CIMIP7: variants seen among roughly 807,000 people sequenced by gnomAD.
CIMIP7 encodes the protein ciliary microtubule inner protein 7.
At chr3:49,189,580 C>G in the CIMIP7 span, among the ~76,000 whole-genome samples, 1 of 152,214 alleles carries the variant, frequency 6.6e-6, no homozygotes, top group Non-Finnish European at 1.5e-5. Flanking sequence ...ATGTGTAGGC[C>G]AGTAACCAGC....
the CIMIP7 span, chr3:49,190,241 C>A: frequency 4.1e-6 from 3 of 728,988 alleles, no homozygotes; most frequent in Non-Finnish European, 4.5e-6. Flanking sequence ...AGACCAGAAG[C>A]CCCTCATGGA....
chr3:49,183,771 A>G, the CIMIP7 span, among the ~76,000 whole-genome samples: 8 of 152,278 alleles, frequency 5.3e-5, no homozygotes, highest in Non-Finnish European at 8.8e-5. Flanking sequence ...AAAAGTTTAT[A>G]TACAAATATT....
At chr3:49,186,400 G>A in the CIMIP7 span, among the ~76,000 whole-genome samples, 2 of 147,082 alleles carry the variant, frequency 1.4e-5, no homozygotes, top group African/African-American at 2.5e-5. Flanking sequence ...ACCACACCTG[G>A]CTAATTTTTT....
At chr3:49,187,372 A>G in the CIMIP7 span, among the ~76,000 whole-genome samples, 3 of 152,162 alleles carry the variant, frequency 2.0e-5, no homozygotes, top group Non-Finnish European at 4.4e-5. Context: ...TGGAAGGGGC[A>G]GTATTTGCAT....
chr3:49,190,657 G>C, the CIMIP7 span, among the ~76,000 whole-genome samples: 1 of 147,994 alleles, frequency 6.8e-6, no homozygotes, highest in Non-Finnish European at 1.5e-5. Flanking sequence ...TATCATGCCA[G>C]GCTGAATTTT....
At chr3:49,188,964 A>ATTT in the CIMIP7 span, among the ~76,000 whole-genome samples, 1 of 124,038 alleles carries the variant, frequency 8.1e-6, no homozygotes, top group Non-Finnish European at 1.8e-5. Flanking sequence ...ATGCCCGGTT[A>ATTT]TTTTTTTTTT....
chr3:49,180,451 T>C, the CIMIP7 span, among the ~76,000 whole-genome samples: 18 of 152,292 alleles, frequency 1.2e-4, no homozygotes, highest in Admixed American at 1.0e-3. Flanking sequence ...TGCAGAGCCA[T>C]TCCCTCTCCA....
chr3:49,183,318 T>A, the CIMIP7 span, among the ~76,000 whole-genome samples: 1 of 152,246 alleles, frequency 6.6e-6, no homozygotes, highest in Non-Finnish European at 1.5e-5. Flanking sequence ...AACCAGATCA[T>A]TCATGCATTG....
the CIMIP7 span, among the ~76,000 whole-genome samples, chr3:49,189,452 C>T: frequency 6.6e-6 from 1 of 152,284 alleles, no homozygotes; most frequent in African/African-American, 2.4e-5. Context: ...TCCTTGTCTC[C>T]AGGCTTGTAA....
the CIMIP7 span, chr3:49,178,178 C>A: frequency 1.1e-6 from 1 of 912,482 alleles, no homozygotes; most frequent in Non-Finnish European, 1.6e-6. Flanking sequence ...GTACCCTGGC[C>A]TCCTTGGCCT....
the CIMIP7 span, among the ~76,000 whole-genome samples, chr3:49,185,746 A>G: frequency 6.7e-6 from 1 of 149,548 alleles, no homozygotes; most frequent in African/African-American, 2.5e-5. Flanking sequence ...GCTGGAGTAC[A>G]GTGGCTCGAT....
the CIMIP7 span, among the ~76,000 whole-genome samples, chr3:49,183,316 C>A: frequency 6.6e-6 from 1 of 152,252 alleles, no homozygotes; most frequent in Admixed American, 6.5e-5. Context: ...GAAACCAGAT[C>A]ATTCATGCAT....
chr3:49,191,601 G>T, the CIMIP7 span: 1 of 868,688 alleles, frequency 1.2e-6, no homozygotes, highest in South Asian at 1.4e-5. Flanking sequence ...ACCTCAAGAT[G>T]GTGGAGAGGA....
the CIMIP7 span, among the ~76,000 whole-genome samples, chr3:49,180,375 G>A: frequency 6.6e-6 from 1 of 152,204 alleles, no homozygotes; most frequent in Non-Finnish European, 1.5e-5. Flanking sequence ...CCATCTCTTA[G>A]GCCTCCAGAC....
At chr3:49,186,158 C>T in the CIMIP7 span, among the ~76,000 whole-genome samples, 1 of 147,710 alleles carries the variant, frequency 6.8e-6, no homozygotes, top group South Asian at 2.1e-4. Flanking sequence ...GCACCACCAC[C>T]CTGGCTAATT....
the CIMIP7 span, chr3:49,191,785 G>A: frequency 1.2e-5 from 18 of 1,551,088 alleles, no homozygotes; most frequent in Non-Finnish European, 1.5e-5. Context: ...TCCAAGAAGG[G>A]AGCAGAAAAG....
At chr3:49,186,277 G>A in the CIMIP7 span, among the ~76,000 whole-genome samples, 1 of 152,006 alleles carries the variant, frequency 6.6e-6, no homozygotes, top group Non-Finnish European at 1.5e-5. Context: ...GGGATTACAG[G>A]TGTAGCCTGG....
the CIMIP7 span, chr3:49,178,590 C>T: frequency 2.0e-6 from 3 of 1,508,542 alleles, no homozygotes; most frequent in Non-Finnish European, 2.7e-6. Context: ...GCTTATTTAC[C>T]CACCCTTACC....
the CIMIP7 span, chr3:49,189,761 C>CT: frequency 1.7e-6 from 1 of 587,724 alleles, no homozygotes; most frequent in South Asian, 1.5e-5. Context: ...TCTAGAGGCT[C>CT]TTTGCCTGTA....
Sources: gnomAD v4.1 joint callset for allele counts (sites outside exome capture counted in the v4.1 genomes callset) on GRCh38, gnomAD v4.1.1 for gene constraint, MANE v1.5 for transcripts, NCBI Gene and HGNC (gene_info 2026-07-23, HGNC 2026-07-21) for gene names.